The following ERBB4 variants were observed in gnomAD, a reference collection of about 807,000 sequenced individuals.
The protein encoded by ERBB4 is erb-b2 receptor tyrosine kinase 4.
ERBB4 carries 42 observed loss-of-function variants against 158.0 expected under a neutral mutation model. The observed-to-expected ratio is 0.27, with a 90% CI of 0.21 to 0.34. The LOEUF (loss-of-function observed/expected upper bound fraction) is 0.34, where lower values mean the gene tolerates loss of function less well. Ranked by LOEUF, ERBB4 falls within the 10% of genes least tolerant of loss-of-function variation. ERBB4 has a pLI of 1.00. For missense variants in ERBB4, 1,333 were observed against 1,624.1 expected, an observed-to-expected ratio of 0.82 and a Z score of 3.08; for synonymous variants, 583 against 558.7, an observed-to-expected ratio of 1.04 and a Z score of -0.61.
intron 5 of ERBB4, among the ~76,000 whole-genome samples, chr2:211,727,561 ATAGAGT>A (rs1314368078): frequency 1.3e-5 from 2 of 152,198 alleles, no homozygotes; most frequent in South Asian, 2.1e-4. Flanking sequence ...AAAAAGGTGT[ATAGAGT>A]TAAAGAGATA....
intron 20 of ERBB4, among the ~76,000 whole-genome samples, chr2:211,512,467 T>C (rs1369047776): frequency 6.6e-6 from 1 of 151,918 alleles, no homozygotes; most frequent in African/African-American, 2.4e-5. Flanking sequence ...AGCATTTTTA[T>C]ATAGAAAGAA....
At chr2:211,793,963 A>C (rs1056500073) in intron 3 of ERBB4, among the ~76,000 whole-genome samples, 5 of 151,890 alleles carry the variant, frequency 3.3e-5, no homozygotes, top group Non-Finnish European at 7.4e-5. Context: ...GAGCGGGTAG[A>C]GGGTGATAAT....
intron 1 of ERBB4, among the ~76,000 whole-genome samples, chr2:212,523,142 T>G (rs1692264732): frequency 6.6e-6 from 1 of 151,992 alleles, no homozygotes. Flanking sequence ...TTTCCAAAGC[T>G]GACTAATAAA....
At chr2:211,820,284 G>C (rs2076966209) in intron 3 of ERBB4, among the ~76,000 whole-genome samples, 1 of 151,784 alleles carries the variant, frequency 6.6e-6, no homozygotes, top group African/African-American at 2.4e-5. Flanking sequence ...ATGAAATAGT[G>C]TCTCTTCTAC....
intron 1 of ERBB4, among the ~76,000 whole-genome samples, chr2:212,456,394 A>T (rs1688289423): frequency 6.6e-6 from 1 of 152,042 alleles, no homozygotes; most frequent in Non-Finnish European, 1.5e-5. Flanking sequence ...CCCAAATCTG[A>T]TGGGATAAAT....
intron 1 of ERBB4, among the ~76,000 whole-genome samples, chr2:212,507,771 G>A (rs1691275024): frequency 6.6e-6 from 1 of 152,130 alleles, no homozygotes; most frequent in African/African-American, 2.4e-5. Flanking sequence ...AACCATTCCT[G>A]GTGAATATAC....
intron 2 of ERBB4, among the ~76,000 whole-genome samples, chr2:212,114,369 A>G (rs963759297): frequency 2.0e-5 from 3 of 152,194 alleles, no homozygotes; most frequent in Admixed American, 2.0e-4. Flanking sequence ...AAAGGTCAGT[A>G]GAGTCAGAAA....
At chr2:212,115,741 T>G (rs1350967195) in intron 2 of ERBB4, among the ~76,000 whole-genome samples, 2 of 152,172 alleles carry the variant, frequency 1.3e-5, no homozygotes, top group African/African-American at 4.8e-5. Flanking sequence ...ACTCCTGGGC[T>G]CAAGCAATCC....
chr2:211,867,024 CAAAAAAAAAAAA>C (rs386392490), intron 3 of ERBB4, among the ~76,000 whole-genome samples: 2 of 60,632 alleles, frequency 3.3e-5, no homozygotes, highest in East Asian at 1.3e-3. Flanking sequence ...TCCTTAAAAC[CAAAAAAAAAAAA>C]AAAAAAAAAA....
rs528305668 is a variant in ERBB4 at position 211,836,176 on chromosome 2, T to A, written c.422-48017A>T. Among the ~76,000 whole-genome samples, 363 of 152,188 alleles carry A rather than the reference T, an allele frequency of 2.4e-3. 2 individuals carry two copies. Among genetic ancestry groups the A allele is most frequent in the African/African-American group, 8.6e-3 (356 of 41,564 alleles). On this transcript the variant is annotated intron_variant, in intron 3 of 27. Transcript: ENST00000342788. ...AAGTGAGTTAACGATGGAAAAATAT[T>A]TTGTAAATGATGGCTGCTCTGGGAG...
intron 1 of ERBB4, among the ~76,000 whole-genome samples, chr2:212,506,858 T>C (rs1251688959): frequency 6.6e-6 from 1 of 152,190 alleles, no homozygotes; most frequent in African/African-American, 2.4e-5. Flanking sequence ...GAAGATCTAG[T>C]TAATATTATT....
intron 1 of ERBB4, among the ~76,000 whole-genome samples, chr2:212,264,126 G>A (rs1055447369): frequency 6.6e-6 from 1 of 152,044 alleles, no homozygotes; most frequent in Non-Finnish European, 1.5e-5. Context: ...CACAGAAAGG[G>A]GCTAAGTTTC....
chr2:212,344,416 C>T (rs1030854282), intron 1 of ERBB4, among the ~76,000 whole-genome samples: 1 of 151,834 alleles, frequency 6.6e-6, no homozygotes, highest in Non-Finnish European at 1.5e-5. Flanking sequence ...AGATTGAGAA[C>T]CACAGGATAA....
chr2:211,867,589 T>C (rs1256633144), intron 3 of ERBB4, among the ~76,000 whole-genome samples: 2 of 152,210 alleles, frequency 1.3e-5, no homozygotes, highest in Admixed American at 6.5e-5. Flanking sequence ...TATACTCTTA[T>C]AAAGCTCTTC....
chr2:211,712,431 C>A (rs2073735631), intron 8 of ERBB4, among the ~76,000 whole-genome samples: 1 of 151,986 alleles, frequency 6.6e-6, no homozygotes, highest in Non-Finnish European at 1.5e-5. Context: ...TATCAAGACC[C>A]AGTATACACA....
In ERBB4 at chr2:211,679,062, G is replaced by T. The variant is rs746505492; in HGVS notation, c.1612C>A (p.Leu538Ile). ...TAGAAGAAGCCTTACCCATCATAGA[G>T]GTTACAAGACTCTATGCAGATCCTT... is the stretch of plus-strand genomic sequence containing the variant. ...RGRICIESCN[L>I]YDGEFREFEN... is the part of the protein sequence containing the mutation. The change falls in exon 13 of 28, where the codon CTC becomes ATC. Residue 538 changes from leucine to isoleucine, a missense_variant. Physicochemically the swap from Leu to Ile is conservative, Grantham distance 5. Around this residue, in one of 5 missense-constraint regions of ERBB4, gnomAD observed 245 missense variants for 247.5 expected, o/e 0.99. Transcript: ENST00000342788. The T allele has an allele frequency of 1.9e-6, 3 of 1,611,204 alleles. No homozygotes were observed. In the East Asian group the frequency reaches 6.7e-5, roughly 36 times the overall value.
At chr2:211,555,712 C>T (rs896192069) in intron 20 of ERBB4, among the ~76,000 whole-genome samples, 2 of 152,128 alleles carry the variant, frequency 1.3e-5, no homozygotes, top group Non-Finnish European at 2.9e-5. Context: ...TATTTCATAT[C>T]CAGGGAAACT....
At chr2:212,024,176 G>T (rs953051053) in intron 2 of ERBB4, among the ~76,000 whole-genome samples, 1 of 151,766 alleles carries the variant, frequency 6.6e-6, no homozygotes, top group South Asian at 2.1e-4. Context: ...AGCATAAATG[G>T]ACACAGAGTG....
intron 16 of ERBB4, 150 bp from the exon 17 acceptor site, chr2:211,630,744 G>T: frequency 1.3e-6 from 1 of 761,038 alleles, no homozygotes; most frequent in Non-Finnish European, 2.1e-6. Flanking sequence ...ATTAGGTTTT[G>T]CTCTACCAAA....
Sources: allele counts gnomAD v4.1 joint callset (sites outside exome capture counted in the v4.1 genomes callset), GRCh38; gene constraint gnomAD v4.1.1; regional missense constraint gnomAD v4.1.1; transcripts MANE v1.5; gene names NCBI Gene and HGNC (gene_info 2026-07-23, HGNC 2026-07-21).